The following TMEM132B variants were observed in gnomAD, a reference collection of about 807,000 sequenced individuals.
TMEM132B encodes transmembrane protein 132B.
Under a neutral mutation model 90.8 loss-of-function variants are expected in TMEM132B, and 18 were observed. The ratio of observed to expected loss-of-function variants is 0.20; its 90% CI spans 0.14 to 0.29. The LOEUF (loss-of-function observed/expected upper bound fraction) is 0.29. Ranked by LOEUF, TMEM132B falls within the 10% of genes least tolerant of loss-of-function variation. The probability of loss-of-function intolerance (pLI) is 1.00; values close to 1 mark genes in which losing one functional copy is unlikely to be tolerated. For synonymous variants in TMEM132B, 504 were observed against 523.3 expected (o/e 0.96, Z 0.50); for missense variants, 1,096 against 1,326.8 (o/e 0.83, Z 2.70).
At chr12:125,643,664 T>C (rs1350668469) in intron 5 of TMEM132B, among the ~76,000 whole-genome samples, 1 of 152,236 alleles carries the variant, frequency 6.6e-6, no homozygotes, top group Admixed American at 6.5e-5. Context: ...ACTTGAATAA[T>C]GTGCTTTTTC....
rs1342667725 is a variant in TMEM132B at position 125,251,261 on chromosome 12, C to G, written c.67+64395C>G. Among the ~76,000 whole-genome samples the G allele has an allele frequency of 6.6e-6, 1 of 152,136 alleles. No individual in the cohort carries two copies. The highest frequency in any genetic ancestry group is 2.4e-5 in the African/African-American group (1 of 41,426). On this transcript the variant is annotated intron_variant, in intron 1 of 8. Coordinates refer to ENST00000682704, the MANE Select transcript of TMEM132B (RefSeq NM_001366854.1). This position sits in a 1 kb window ranked among gnomAD's most constrained non-coding sequence, Gnocchi z 4.4. ...AGATGATTTTTGAAAATATCAAAAACTATCATTAATTTGGGCTGAACCAGC... is the reference window on the plus strand; with the variant it reads ...AGATGATTTTTGAAAATATCAAAAAGTATCATTAATTTGGGCTGAACCAGC...
chr12:125,212,943 C>T (rs924011890), intron 1 of TMEM132B, among the ~76,000 whole-genome samples: 1 of 151,964 alleles, frequency 6.6e-6, no homozygotes, highest in African/African-American at 2.4e-5. Context: ...TAAGTTCACA[C>T]AACACACAAC....
At chr12:125,324,929 A>C (rs1167600850) in intron 1 of TMEM132B, among the ~76,000 whole-genome samples, 1 of 152,168 alleles carries the variant, frequency 6.6e-6, no homozygotes, top group East Asian at 1.9e-4. Context: ...AAAACAGTCC[A>C]ACTTCAACGG....
intron 1 of TMEM132B, among the ~76,000 whole-genome samples, chr12:125,286,660 GGTGTCAGCAGGGCT>G (rs1461158447): frequency 6.6e-6 from 1 of 152,064 alleles, no homozygotes; most frequent in African/African-American, 2.4e-5. Flanking sequence ...CTAAAATGAA[GGTGTCAGCAGGGCT>G]GTGTTCCTTC....
At position 125,396,804 on chromosome 12, in the gene TMEM132B, T is replaced by C. The variant is rs573819506; in HGVS notation, c.960-18727T>C. Among the ~76,000 whole-genome samples, 205 of 152,282 alleles carry C rather than the reference T, an allele frequency of 1.3e-3. 1 individual carries two copies. The highest frequency in any genetic ancestry group is 4.7e-3 in the African/African-American group (196 of 41,560). On this transcript the variant is annotated intron_variant, in intron 2 of 8. Transcript: ENST00000682704. ...TTACAGGCATGAGAGCCACCACACC[T>C]GGCCAGTACTGTCATTAATATGCCC...
chr12:125,436,931 T>A (rs1296985400), intron 3 of TMEM132B, among the ~76,000 whole-genome samples: 2 of 152,152 alleles, frequency 1.3e-5, no homozygotes, highest in Non-Finnish European at 2.9e-5. Context: ...CCTGCAAGTG[T>A]CCTCTCTGGA....
intron 1 of TMEM132B, among the ~76,000 whole-genome samples, chr12:125,272,280 T>C (rs558282909): frequency 1.3e-5 from 2 of 152,354 alleles, no homozygotes; most frequent in South Asian, 4.1e-4. Context: ...AAAGGGATTG[T>C]TGCATTTGTT....
intron 3 of TMEM132B, among the ~76,000 whole-genome samples, chr12:125,464,749 G>A (rs1436633373): frequency 6.6e-6 from 1 of 152,238 alleles, no homozygotes; most frequent in Non-Finnish European, 1.5e-5. Flanking sequence ...ATTGCCCTGA[G>A]CATGAGTTCT....
At chr12:125,607,564 A>T (rs1459407917) in intron 5 of TMEM132B, among the ~76,000 whole-genome samples, 2 of 152,336 alleles carry the variant, frequency 1.3e-5, no homozygotes, top group East Asian at 3.9e-4. Context: ...CAAAGCATAG[A>T]GGTATCCTCA....
rs1446560438 is a variant in TMEM132B at position 125,445,473 on chromosome 12, G to C, written c.1106+29796G>C. ...AGCCTTTCTTCTCTGCAGTGAGTAC[G>C]GTATTTAAGCTTTGTCAGCAGAGGA... On this transcript the variant is annotated intron_variant, in intron 3 of 8. Transcript: ENST00000682704. The surrounding 1 kb of genome is among the most constrained non-coding windows in gnomAD (Gnocchi z 4.3). Among the ~76,000 whole-genome samples, 1 of 152,196 alleles carries C rather than the reference G, an allele frequency of 6.6e-6. No homozygotes were observed. The highest frequency in any genetic ancestry group is 1.5e-5 in the Non-Finnish European group (1 of 68,022).
Position 125,595,028 on chromosome 12 carries a change from A to G in TMEM132B, c.1437+11034A>G, listed in dbSNP as rs552782436. 1.6e-4 allele frequency among the ~76,000 whole-genome samples: 24 copies of G among 152,272 alleles called. No individual in the cohort carries two copies. In the South Asian group the frequency reaches 5.0e-3, roughly 32 times the overall value. ...CAAACAAAAGGCATGACGGGAACTC[A>G]GTGTAGATCAGCCTTTCCTTAGAGT... On this transcript the variant is annotated intron_variant, in intron 5 of 8. Transcript: ENST00000682704.
chr12:125,318,081 G>A (rs554872757), intron 1 of TMEM132B, among the ~76,000 whole-genome samples: 1 of 152,272 alleles, frequency 6.6e-6, no homozygotes, highest in African/African-American at 2.4e-5. Flanking sequence ...AATGTTGGGT[G>A]GAAAATGCAA....
intron 1 of TMEM132B, among the ~76,000 whole-genome samples, chr12:125,221,864 G>A (rs1271453258): frequency 1.3e-5 from 2 of 152,210 alleles, no homozygotes; most frequent in Non-Finnish European, 2.9e-5. Flanking sequence ...GAGATTGGAA[G>A]GAGGAGTAGC....
chr12:125,475,001 G>A (rs905380598), intron 3 of TMEM132B, among the ~76,000 whole-genome samples: 6 of 152,220 alleles, frequency 3.9e-5, no homozygotes, highest in Non-Finnish European at 8.8e-5. Context: ...AGATGGGGCC[G>A]AGTTAGCCCC....
chr12:125,425,104 C>G (rs1410251437), intron 3 of TMEM132B, among the ~76,000 whole-genome samples: 2 of 152,098 alleles, frequency 1.3e-5, no homozygotes, highest in Non-Finnish European at 2.9e-5. Context: ...CAAGTCAGGG[C>G]TCAGAGGTGC....
intron 5 of TMEM132B, among the ~76,000 whole-genome samples, chr12:125,633,077 A>AT (rs776083492): frequency 7.9e-5 from 12 of 151,938 alleles, no homozygotes; most frequent in Non-Finnish European, 1.3e-4. Flanking sequence ...AAGAAAATAG[A>AT]TTTTGTAGGT....
intron 1 of TMEM132B, among the ~76,000 whole-genome samples, chr12:125,188,137 A>G (rs930226909): frequency 1.3e-5 from 2 of 152,168 alleles, no homozygotes; most frequent in African/African-American, 4.8e-5. Context: ...GTGACCCAAA[A>G]TATTTACCAA....
At chr12:125,594,255 T>G (rs147490671) in intron 5 of TMEM132B, among the ~76,000 whole-genome samples, 80 of 152,362 alleles carry the variant, frequency 5.3e-4, no homozygotes, top group African/African-American at 1.8e-3. Flanking sequence ...TTTTTATTAC[T>G]GAGTAGTATT....
chr12:125,264,394 GCAAT>G (rs1260235316), intron 1 of TMEM132B, among the ~76,000 whole-genome samples: 1 of 152,184 alleles, frequency 6.6e-6, no homozygotes, highest in East Asian at 1.9e-4. Flanking sequence ...CATTTTGGAG[GCAAT>G]CACTCTACTA....
Sources: allele counts gnomAD v4.1 joint callset (sites outside exome capture counted in the v4.1 genomes callset), GRCh38; gene constraint gnomAD v4.1.1; non-coding constraint Gnocchi (gnomAD v3.1); transcripts MANE v1.5; gene names NCBI Gene and HGNC (gene_info 2026-07-23, HGNC 2026-07-21).